The following KCNMA1 variants were observed in gnomAD, a reference collection of about 807,000 sequenced individuals.
KCNMA1 encodes the protein Calcium-activated potassium channel subunit alpha-1.
In KCNMA1, 29 loss-of-function variants were observed where a neutral mutation model predicts 140.0. That is an observed-to-expected ratio of 0.21 (90% CI 0.15 to 0.28). The LOEUF (loss-of-function observed/expected upper bound fraction) is 0.28, where lower values mean the gene tolerates loss of function less well. KCNMA1 is among the 10% of genes least tolerant of loss of function. The pLI, the probability that KCNMA1 is intolerant of heterozygous loss-of-function variation, is 1.00. For missense variants in KCNMA1, 880 were observed against 1,602.2 expected, an observed-to-expected ratio of 0.55 and a Z score of 7.70; for synonymous variants, 612 against 611.9, an observed-to-expected ratio of 1.00 and a Z score of 0.00.
At chr10:77,339,316 C>T (rs1466225513) in intron 2 of KCNMA1, among the ~76,000 whole-genome samples, 1 of 152,146 alleles carries the variant, frequency 6.6e-6, no homozygotes, top group African/African-American at 2.4e-5. Context: ...ACATTTCTCC[C>T]TCCTCCACCG....
intron 1 of KCNMA1, among the ~76,000 whole-genome samples, chr10:77,531,248 T>C (rs1278194384): frequency 6.6e-6 from 1 of 152,202 alleles, no homozygotes; most frequent in Non-Finnish European, 1.5e-5. Flanking sequence ...CAAGAGATTG[T>C]AAATAATGCC....
At chr10:77,435,384 A>T (rs576819955) in intron 1 of KCNMA1, among the ~76,000 whole-genome samples, 1 of 152,344 alleles carries the variant, frequency 6.6e-6, no homozygotes, top group African/African-American at 2.4e-5. Flanking sequence ...AGGGTATGAA[A>T]TTCTAGGTAG....
intron 1 of KCNMA1, among the ~76,000 whole-genome samples, chr10:77,505,592 T>C (rs949518854): frequency 6.6e-6 from 1 of 152,122 alleles, no homozygotes; most frequent in Admixed American, 6.5e-5. Flanking sequence ...CCATGAAGAA[T>C]GAGTGGAATT....
At chr10:77,600,965 C>G (rs2082448073) in intron 1 of KCNMA1, among the ~76,000 whole-genome samples, 1 of 152,156 alleles carries the variant, frequency 6.6e-6, no homozygotes, top group Non-Finnish European at 1.5e-5. Flanking sequence ...GTGACAGCCA[C>G]ATAATGGGCA....
At chr10:77,485,875 C>A (rs2098454188) in intron 1 of KCNMA1, among the ~76,000 whole-genome samples, 1 of 152,080 alleles carries the variant, frequency 6.6e-6, no homozygotes, top group Non-Finnish European at 1.5e-5. Flanking sequence ...TATTGTGGGG[C>A]CTCCCAGAAT....
At chr10:77,400,968 G>C (rs1051458667) in intron 2 of KCNMA1, among the ~76,000 whole-genome samples, 1 of 151,466 alleles carries the variant, frequency 6.6e-6, no homozygotes, top group African/African-American at 2.4e-5. Context: ...TGCAGACCGT[G>C]CCCCACCAGG....
intron 2 of KCNMA1, among the ~76,000 whole-genome samples, chr10:77,352,632 G>A (rs2093021537): frequency 6.6e-6 from 1 of 151,534 alleles, no homozygotes. Flanking sequence ...GTGTGTGTGT[G>A]TGTGTGTGTG....
intron 1 of KCNMA1, among the ~76,000 whole-genome samples, chr10:77,574,644 C>T (rs1250398836): frequency 6.6e-6 from 1 of 152,182 alleles, no homozygotes; most frequent in Admixed American, 6.5e-5. Context: ...ATCTCTGAGC[C>T]TTTAGTTCCT....
At chr10:76,991,678 C>T (rs534958390) in intron 19 of KCNMA1, among the ~76,000 whole-genome samples, 2 of 152,116 alleles carry the variant, frequency 1.3e-5, no homozygotes, top group Non-Finnish European at 2.9e-5. Flanking sequence ...ATCCTTCAGG[C>T]CATTTCCTAT....
chr10:77,466,487 C>A (rs2098017546), intron 1 of KCNMA1, among the ~76,000 whole-genome samples: 1 of 152,114 alleles, frequency 6.6e-6, no homozygotes, highest in South Asian at 2.1e-4. Flanking sequence ...GTGAAATAGG[C>A]AGAAAGGATT....
Position 77,134,430 on chromosome 10 carries a change from TTAAA to T in KCNMA1, c.809-13386_809-13383del, listed in dbSNP as rs1409036852. The stretch of plus-strand genomic sequence containing the variant: ...AGATAATATAACTAGTGAATAATCA[TTAAA>T]TAAATTAATTAAATGAAACTATTTT... On this transcript the variant is annotated intron_variant, in intron 5 of 27. Coordinates refer to ENST00000286628, the MANE Select transcript of KCNMA1 (RefSeq NM_001161352.2). 2.6e-5 allele frequency among the ~76,000 whole-genome samples: 4 copies of T among 151,780 alleles called. No homozygotes were observed. The East Asian group carries it at 5.8e-4, about 22-fold the overall frequency.
intron 1 of KCNMA1, among the ~76,000 whole-genome samples, chr10:77,447,483 T>C (rs189892616): frequency 1.3e-5 from 2 of 152,372 alleles, no homozygotes; most frequent in Admixed American, 6.5e-5. Context: ...TGAGATAATT[T>C]AGCATTTCTA....
chr10:76,919,873 C>T (rs1168932821), intron 23 of KCNMA1, among the ~76,000 whole-genome samples: 1 of 151,284 alleles, frequency 6.6e-6, no homozygotes, highest in Non-Finnish European at 1.5e-5. Flanking sequence ...ATTCGTGGAT[C>T]ACTTCCCCTT....
intron 13 of KCNMA1, among the ~76,000 whole-genome samples, chr10:77,078,890 G>C (rs574489437): frequency 2.6e-5 from 4 of 152,174 alleles, no homozygotes; most frequent in Non-Finnish European, 4.4e-5. Flanking sequence ...TCTGAACCTC[G>C]GGTTCCAATA....
chr10:76,915,086 A>G (rs771097884), intron 23 of KCNMA1, 37 bp from the exon 24 acceptor site: 13 of 1,489,134 alleles, frequency 8.7e-6, no homozygotes, highest in Middle Eastern at 1.7e-4. Flanking sequence ...GAAAAATCAG[A>G]GAAGTAGAAA....
rs564766485 is a variant in KCNMA1, at chr10:77,158,953, C to T, written c.808+24468G>A. Among the ~76,000 whole-genome samples, 4 of 152,298 alleles carry T rather than the reference C, an allele frequency of 2.6e-5. No individual in the cohort carries two copies. In the South Asian group the frequency reaches 8.3e-4, roughly 32 times the overall value. Reference sequence around the variant, plus strand: ...GTAATAACCTTGAGCAACGGCACACCCTTCCTCCTAACAACACAGGTTTAG... The same window carrying T: ...GTAATAACCTTGAGCAACGGCACACTCTTCCTCCTAACAACACAGGTTTAG... On this transcript the variant is annotated intron_variant, in intron 5 of 27. Transcript: ENST00000286628.
At chr10:77,148,093 C>T (rs543677069) in intron 5 of KCNMA1, among the ~76,000 whole-genome samples, 3 of 152,240 alleles carry the variant, frequency 2.0e-5, no homozygotes, top group East Asian at 1.9e-4. Context: ...TGTTTGCACC[C>T]AGGCCTCTCT....
intron 1 of KCNMA1, among the ~76,000 whole-genome samples, chr10:77,613,616 T>A (rs908611497): frequency 6.6e-6 from 1 of 152,218 alleles, no homozygotes; most frequent in Non-Finnish European, 1.5e-5. Flanking sequence ...GATTCACCTC[T>A]GTGCTGTTAT....
At chr10:77,311,734 A>G (rs1449240413) in intron 2 of KCNMA1, among the ~76,000 whole-genome samples, 1 of 152,092 alleles carries the variant, frequency 6.6e-6, no homozygotes, top group Admixed American at 6.5e-5. Flanking sequence ...GAATGGGTTC[A>G]CCTCTTCTTG....
Sources: allele counts gnomAD v4.1 joint callset (sites outside exome capture counted in the v4.1 genomes callset), GRCh38; gene constraint gnomAD v4.1.1; transcripts MANE v1.5; gene names NCBI Gene and HGNC (gene_info 2026-07-23, HGNC 2026-07-21).